FAR2: variants seen among roughly 807,000 people sequenced by gnomAD.
The protein encoded by FAR2 is fatty acyl-CoA reductase 2.
Under a neutral mutation model 56.0 loss-of-function variants are expected in FAR2, and 19 were observed. That is an observed-to-expected ratio of 0.34 (90% CI 0.24 to 0.50). The LOEUF (loss-of-function observed/expected upper bound fraction) is 0.50. Ranked by LOEUF, FAR2 falls within the 20% of genes least tolerant of loss-of-function variation. The pLI is 0.98. For missense variants in FAR2, 508 were observed against 642.2 expected, an observed-to-expected ratio of 0.79 and a Z score of 2.26; for synonymous variants, 219 against 218.8, an observed-to-expected ratio of 1.00 and a Z score of -0.01.
intron 1 of FAR2, among the ~76,000 whole-genome samples, chr12:29,259,489 T>A (rs1453308200): frequency 6.6e-6 from 1 of 152,212 alleles, no homozygotes; most frequent in Non-Finnish European, 1.5e-5. Flanking sequence ...GAATCTTAAT[T>A]TTTTTATTTT....
intron 2 of FAR2, among the ~76,000 whole-genome samples, chr12:29,291,926 C>A (rs1429258994): frequency 6.6e-6 from 1 of 152,206 alleles, no homozygotes; most frequent in Non-Finnish European, 1.5e-5. Context: ...TTCAGTGGAA[C>A]ATTATCAACT....
At chr12:29,248,900 G>A (rs74523755) in intron 1 of FAR2, among the ~76,000 whole-genome samples, 3 of 152,168 alleles carry the variant, frequency 2.0e-5, no homozygotes, top group East Asian at 1.9e-4. Context: ...GCTCTGTTCC[G>A]CCCGGCTCAC....
rs117303218 is a variant in FAR2, at chr12:29,306,674, C to T, written c.546-984C>T. Among the ~76,000 whole-genome samples, 20 of 152,266 alleles carry T rather than the reference C, an allele frequency of 1.3e-4. No individual in the cohort carries two copies. In the East Asian group the frequency reaches 3.7e-3, roughly 28 times the overall value. On this transcript the variant is annotated intron_variant, in intron 4 of 11. Transcript: ENST00000536681. ...AATGTTAAATATATAATTGACAATACTTTTGTTGCTTTCTTAGAGAGGTGT... is the reference window on the plus strand; with the variant it reads ...AATGTTAAATATATAATTGACAATATTTTTGTTGCTTTCTTAGAGAGGTGT...
rs766388870 is a variant in FAR2 at position 29,321,779 on chromosome 12, C to A, written c.1128-16C>A. 1 of 1,611,794 alleles carries A rather than the reference C, an allele frequency of 6.2e-7. No homozygotes were observed. Among genetic ancestry groups the A allele is most frequent in the Non-Finnish European group, 8.5e-7 (1 of 1,178,580 alleles). Reference sequence around the variant, plus strand: ...GTGGTGCGCTGATATTTACTCCTATCTGATGGTTATCTCAGGATGACAAAG... The same window carrying A: ...GTGGTGCGCTGATATTTACTCCTATATGATGGTTATCTCAGGATGACAAAG... On this transcript the variant is annotated splice_polypyrimidine_tract_variant and intron_variant, in intron 9 of 11. Coordinates refer to ENST00000536681, the MANE Select transcript of FAR2 (RefSeq NM_001271783.2).
chr12:29,276,363 T>C (rs1050479823), intron 2 of FAR2, among the ~76,000 whole-genome samples: 1 of 152,188 alleles, frequency 6.6e-6, no homozygotes, highest in Non-Finnish European at 1.5e-5. Flanking sequence ...CTGATGTGTA[T>C]AATATAGTTG....
rs1236255426 is a variant in FAR2, at chr12:29,328,377, C to G, written c.1258-4223C>G. Among the ~76,000 whole-genome samples the G allele has an allele frequency of 8.5e-5, 13 of 152,236 alleles. No individual in the cohort carries two copies. In the East Asian group the frequency reaches 1.7e-3, roughly 20 times the overall value. On this transcript the variant is annotated intron_variant, in intron 10 of 11. Coordinates refer to ENST00000536681, the MANE Select transcript of FAR2 (RefSeq NM_001271783.2). ...CCTCAGGGATCTAGAGCTAGAAATA[C>G]CATTTGACCCAGCCATCCCATTACT...
At chr12:29,186,571 A>C (rs1322602314) in intron 1 of FAR2, among the ~76,000 whole-genome samples, 1 of 151,668 alleles carries the variant, frequency 6.6e-6, no homozygotes, top group African/African-American at 2.4e-5. Context: ...TCACTTGAGT[A>C]TTTTTTTTAG....
chr12:29,298,291 CTTGT>C (rs1461335893), intron 4 of FAR2, among the ~76,000 whole-genome samples: 14 of 86,520 alleles, frequency 1.6e-4, no homozygotes, highest in East Asian at 3.8e-4. Context: ...CTAAGTTTAC[CTTGT>C]TTTTTTTTTT....
chr12:29,237,224 C>T lies in FAR2; in HGVS notation c.-38-33188C>T, dbSNP rs529127993. ...TCAGCAGTTCTTGAAGTGTGGTCCG[C>T]GGACTTTTGGAGGTACCTAAGGCAC... On this transcript the variant is annotated intron_variant, in intron 1 of 11. Transcript: ENST00000536681. Among the ~76,000 whole-genome samples the T allele has an allele frequency of 4.9e-4, 74 of 152,214 alleles. 1 individual carries two copies. The highest frequency in any genetic ancestry group is 1.7e-3 in the African/African-American group (69 of 41,528).
At chr12:29,197,850 C>T (rs900252833) in intron 1 of FAR2, among the ~76,000 whole-genome samples, 1 of 152,066 alleles carries the variant, frequency 6.6e-6, no homozygotes, top group Non-Finnish European at 1.5e-5. Flanking sequence ...AGTAGACATA[C>T]CTCAGATATT....
intron 1 of FAR2, chr12:29,152,016 A>G (rs1287162845): frequency 6.6e-6 from 1 of 152,200 alleles, no homozygotes; most frequent in Non-Finnish European, 1.5e-5. Flanking sequence ...TGACCCTTAT[A>G]GTTTGGTGGA....
At chr12:29,281,265 A>C (rs1948779520) in intron 2 of FAR2, 1 of 152,244 alleles carries the variant, frequency 6.6e-6, no homozygotes, top group Non-Finnish European at 1.5e-5. Context: ...CCTTCTATTC[A>C]AAAAAGAGAA....
chr12:29,158,138 A>G (rs1018669804), intron 1 of FAR2, among the ~76,000 whole-genome samples: 6 of 152,254 alleles, frequency 3.9e-5, no homozygotes, highest in African/African-American at 1.4e-4. Flanking sequence ...ATAGATATTA[A>G]GTAAATATTA....
At chr12:29,285,066 C>T (rs1440363492) in intron 2 of FAR2, among the ~76,000 whole-genome samples, 2 of 152,242 alleles carry the variant, frequency 1.3e-5, no homozygotes, top group East Asian at 3.9e-4. Flanking sequence ...TGGTCTCGAT[C>T]TCCTGACCTC....
chr12:29,251,570 T>C (rs922856317), intron 1 of FAR2, among the ~76,000 whole-genome samples: 7 of 152,164 alleles, frequency 4.6e-5, no homozygotes, highest in African/African-American at 1.4e-4. Context: ...TGTACTGTGG[T>C]CTTTTCTCTA....
chr12:29,246,927 A>C (rs1355833306), intron 1 of FAR2, among the ~76,000 whole-genome samples: 1 of 151,828 alleles, frequency 6.6e-6, no homozygotes, highest in Non-Finnish European at 1.5e-5. Context: ...ATTAGCTTTA[A>C]TTCATCATTT....
chr12:29,195,418 G>C (rs535028265), intron 1 of FAR2, among the ~76,000 whole-genome samples: 135 of 152,160 alleles, frequency 8.9e-4, no homozygotes, highest in African/African-American at 3.2e-3. Context: ...ACTCTTCCAT[G>C]TCACCATTTA....
At chr12:29,316,777 T>A (rs1210502479) in intron 8 of FAR2, 64 bp from the exon 9 acceptor site, 1 of 1,514,046 alleles carries the variant, frequency 6.6e-7, no homozygotes, top group African/African-American at 1.4e-5. Context: ...TTACAAATGC[T>A]TTCCACTATG....
intron 1 of FAR2, among the ~76,000 whole-genome samples, chr12:29,265,172 G>T (rs1482471273): frequency 6.6e-6 from 1 of 152,058 alleles, no homozygotes; most frequent in Non-Finnish European, 1.5e-5. Flanking sequence ...AATAGAAAAA[G>T]TAACCCTAAA....
Sources: gnomAD v4.1 joint callset for allele counts (sites outside exome capture counted in the v4.1 genomes callset) on GRCh38, gnomAD v4.1.1 for gene constraint, MANE v1.5 for transcripts, NCBI Gene and HGNC (gene_info 2026-07-23, HGNC 2026-07-21) for gene names.